Variants in NPAS3 observed in about 807,000 individuals in gnomAD.
The protein encoded by NPAS3 is neuronal PAS domain protein 3.
NPAS3 carries 14 observed loss-of-function variants against 73.1 expected under a neutral mutation model. The observed-to-expected ratio is 0.19, with a 90% confidence interval of 0.13 to 0.30. The LOEUF (loss-of-function observed/expected upper bound fraction) is 0.30, where lower values mean the gene tolerates loss of function less well. Among genes scored for constraint, NPAS3 ranks in the 10% least tolerant of loss-of-function variants. The probability of loss-of-function intolerance (pLI) is 1.00; values close to 1 mark genes in which losing one functional copy is unlikely to be tolerated. For synonymous variants in NPAS3, 620 were observed against 541.5 expected, an observed-to-expected ratio of 1.14 and a Z score of -2.01; for missense variants, 1,096 against 1,250.0, an observed-to-expected ratio of 0.88 and a Z score of 1.86.
intron 7 of NPAS3, among the ~76,000 whole-genome samples, chr14:33,762,805 C>T (rs1192399341): frequency 1.3e-5 from 2 of 152,164 alleles, no homozygotes; most frequent in South Asian, 2.1e-4. Context: ...GTTGGTGACA[C>T]GCACAAAAGT....
At chr14:33,184,656 A>G (rs1355362428) in intron 2 of NPAS3, among the ~76,000 whole-genome samples, 2 of 152,274 alleles carry the variant, frequency 1.3e-5, no homozygotes, top group South Asian at 2.1e-4. Context: ...AGTAGCACAG[A>G]TGGAAAGAAA....
intron 5 of NPAS3, among the ~76,000 whole-genome samples, chr14:33,636,763 CG>C (rs1031836121): frequency 2.6e-5 from 4 of 152,110 alleles, no homozygotes; most frequent in African/African-American, 9.7e-5. Context: ...CCTGGCACAC[CG>C]GGGCCCTAAA....
At chr14:33,095,636 C>G (rs1416928788) in intron 2 of NPAS3, among the ~76,000 whole-genome samples, 3 of 145,670 alleles carry the variant, frequency 2.1e-5, no homozygotes, top group Non-Finnish European at 3.0e-5. Context: ...AAGCCTTACA[C>G]AAAGGCGTGG....
intron 2 of NPAS3, among the ~76,000 whole-genome samples, chr14:33,152,485 T>TG: frequency 1.3e-5 from 2 of 152,270 alleles, no homozygotes; most frequent in Middle Eastern, 6.8e-3. Context: ...TTCCCATTTC[T>TG]TTTTTTCTTC....
intron 1 of NPAS3, among the ~76,000 whole-genome samples, chr14:33,004,634 A>G (rs2038924517): frequency 6.6e-6 from 1 of 151,938 alleles, no homozygotes; most frequent in African/African-American, 2.4e-5. Context: ...TTTTAAAAAT[A>G]TTTTTCTTCA....
At chr14:32,996,451 C>A (rs1354739271) in intron 1 of NPAS3, among the ~76,000 whole-genome samples, 1 of 152,138 alleles carries the variant, frequency 6.6e-6, no homozygotes, top group South Asian at 2.1e-4. Flanking sequence ...ATGTCAGAAC[C>A]CTTCACAGCA....
chr14:33,466,363 G>A (rs2050526306), intron 4 of NPAS3, among the ~76,000 whole-genome samples: 1 of 152,164 alleles, frequency 6.6e-6, no homozygotes, highest in Admixed American at 6.5e-5. Flanking sequence ...ATGATGATTA[G>A]CAAGATTTGT....
At chr14:33,607,287 A>G (rs2057599902) in intron 5 of NPAS3, among the ~76,000 whole-genome samples, 1 of 152,196 alleles carries the variant, frequency 6.6e-6, no homozygotes, top group African/African-American at 2.4e-5. Context: ...TTACTAGGTG[A>G]ATGTGGTATG....
intron 6 of NPAS3, among the ~76,000 whole-genome samples, chr14:33,688,294 A>G (rs1366034464): frequency 2.0e-5 from 3 of 152,230 alleles, no homozygotes; most frequent in African/African-American, 7.2e-5. Context: ...GGAAATTGAC[A>G]ATGAATGTTA....
chr14:33,362,565 G>A (rs1477314215), intron 3 of NPAS3, among the ~76,000 whole-genome samples: 2 of 152,146 alleles, frequency 1.3e-5, no homozygotes, highest in African/African-American at 4.8e-5. Flanking sequence ...AGCCCAGGAA[G>A]TCAATGTCCA....
At chr14:33,586,377 A>G (rs2056862913) in intron 5 of NPAS3, among the ~76,000 whole-genome samples, 1 of 152,100 alleles carries the variant, frequency 6.6e-6, no homozygotes, top group African/African-American at 2.4e-5. Flanking sequence ...TAAATTTTAT[A>G]AACAGATACT....
intron 2 of NPAS3, among the ~76,000 whole-genome samples, chr14:33,152,369 A>C (rs1483896873): frequency 6.6e-6 from 1 of 152,030 alleles, no homozygotes; most frequent in Non-Finnish European, 1.5e-5. Flanking sequence ...AGGAACCGTC[A>C]TTGCTGTGTG....
intron 7 of NPAS3, among the ~76,000 whole-genome samples, chr14:33,750,472 T>C (rs987400963): frequency 6.6e-6 from 1 of 152,232 alleles, no homozygotes; most frequent in Non-Finnish European, 1.5e-5. Context: ...TAACTAATTT[T>C]ACGTATTCTA....
intron 4 of NPAS3, among the ~76,000 whole-genome samples, chr14:33,416,429 A>AG (rs1002264438): frequency 6.6e-6 from 1 of 152,036 alleles, no homozygotes; most frequent in Admixed American, 6.6e-5. Context: ...GTTTCTGGTA[A>AG]GGGGTTTCTT....
chr14:33,060,038 C>T (rs998651015), intron 2 of NPAS3, among the ~76,000 whole-genome samples: 2 of 152,192 alleles, frequency 1.3e-5, no homozygotes, highest in African/African-American at 4.8e-5. Flanking sequence ...CCACCTCAGC[C>T]TCTAAAAGTA....
chr14:33,467,689 G>C (rs1286694176), intron 4 of NPAS3, among the ~76,000 whole-genome samples: 14 of 152,216 alleles, frequency 9.2e-5, no homozygotes, highest in Non-Finnish European at 1.5e-5. Flanking sequence ...CCCTTTGTAT[G>C]CTGCAGCGGT....
intron 5 of NPAS3, among the ~76,000 whole-genome samples, chr14:33,637,739 C>T (rs1262590469): frequency 6.6e-6 from 1 of 152,068 alleles, no homozygotes; most frequent in African/African-American, 2.4e-5. Context: ...CAGTTTTTAT[C>T]CGTCTCATTA....
intron 2 of NPAS3, among the ~76,000 whole-genome samples, chr14:33,182,430 G>A (rs1207505451): frequency 6.6e-6 from 1 of 151,844 alleles, no homozygotes; most frequent in African/African-American, 2.4e-5. Context: ...TATTTTATAG[G>A]TGGTTTAAAT....
intron 5 of NPAS3, among the ~76,000 whole-genome samples, chr14:33,606,115 C>CA (rs1171059356): frequency 6.6e-6 from 1 of 151,362 alleles, no homozygotes; most frequent in Non-Finnish European, 1.5e-5. Context: ...GGTACATGTG[C>CA]CAATGTGCAG....
Sources: gnomAD v4.1 joint callset for allele counts (sites outside exome capture counted in the v4.1 genomes callset) on GRCh38, gnomAD v4.1.1 for gene constraint, MANE v1.5 for transcripts, NCBI Gene and HGNC (gene_info 2026-07-23, HGNC 2026-07-21) for gene names.